The following NUSAP1 variants were observed in gnomAD, a reference collection of about 807,000 sequenced individuals.
NUSAP1 encodes nucleolar and spindle-associated protein 1.
A neutral mutation model predicts 52.8 loss-of-function variants in NUSAP1; 32 were observed. That is an observed-to-expected ratio of 0.61 (90% CI 0.46 to 0.81). The LOEUF is 0.81. Ranked by LOEUF, NUSAP1 falls within the 40% of genes least tolerant of loss-of-function variation. NUSAP1 has a pLI of 0.00. For synonymous variants in NUSAP1, 195 were observed against 183.1 expected, an observed-to-expected ratio of 1.06 and a Z score of -0.52; for missense variants, 499 against 522.3, an observed-to-expected ratio of 0.96 and a Z score of 0.43.
chr15:41,349,001 A>G (rs1424419965), intron 2 of NUSAP1, 97 bp from the exon 3 acceptor site: 40 of 1,235,786 alleles, frequency 3.2e-5, no homozygotes, highest in Non-Finnish European at 4.3e-5. Context: ...TTTCTTTTGC[A>G]TATGTAATAT....
At chr15:41,352,275 G>A (rs1165755430) in intron 4 of NUSAP1, among the ~76,000 whole-genome samples, 1 of 151,730 alleles carries the variant, frequency 6.6e-6, no homozygotes, top group Admixed American at 6.6e-5. Context: ...CTAAACCTCT[G>A]CTCTTAAAAA....
intron 1 of NUSAP1, among the ~76,000 whole-genome samples, chr15:41,333,569 G>A (rs1294089176): frequency 6.6e-6 from 1 of 152,192 alleles, no homozygotes; most frequent in Non-Finnish European, 1.5e-5. Flanking sequence ...ATTGATGACT[G>A]TTGGGTTGAT....
intron 9 of NUSAP1, among the ~76,000 whole-genome samples, chr15:41,376,243 T>A (rs1001679519): frequency 1.9e-4 from 27 of 144,938 alleles, no homozygotes; most frequent in Non-Finnish European, 3.1e-4. Flanking sequence ...TGAAAAAAAA[T>A]AAGAAAATTA....
At chr15:41,371,761 G>T in intron 8 of NUSAP1, 77 bp downstream of exon 8, 1 of 1,454,160 alleles carries the variant, frequency 6.9e-7, no homozygotes, top group Non-Finnish European at 9.2e-7. Flanking sequence ...AGGTATATCT[G>T]TTTTTTTTGT....
At chr15:41,370,749 C>CAAA (rs60034914) in intron 7 of NUSAP1, among the ~76,000 whole-genome samples, 2 of 70,752 alleles carry the variant, frequency 2.8e-5, no homozygotes, top group Non-Finnish European at 6.0e-5. Context: ...AACTCCATCT[C>CAAA]AAAAAAAAAA....
chr15:41,355,571 C>G (rs898888055), intron 4 of NUSAP1, among the ~76,000 whole-genome samples: 6 of 152,110 alleles, frequency 3.9e-5, no homozygotes, highest in African/African-American at 1.4e-4. Flanking sequence ...AATGCTGTAA[C>G]TAATTTTTTG....
intron 10 of NUSAP1, 113 bp downstream of exon 10, chr15:41,377,417 T>C (rs2049986995): frequency 1.7e-6 from 1 of 578,438 alleles, no homozygotes; most frequent in African/African-American, 2.0e-5. Context: ...AGTGGTATTA[T>C]GGCCGTGTGC....
At chr15:41,341,300 G>A (rs1344182797) in intron 1 of NUSAP1, among the ~76,000 whole-genome samples, 1 of 152,038 alleles carries the variant, frequency 6.6e-6, no homozygotes, top group African/African-American at 2.4e-5. Context: ...CCCTGACCTC[G>A]TGATCCACCT....
intron 1 of NUSAP1, among the ~76,000 whole-genome samples, chr15:41,340,702 GCCTGAATTCTGC>G (rs1164251964): frequency 6.6e-6 from 1 of 152,158 alleles, no homozygotes; most frequent in Non-Finnish European, 1.5e-5. Flanking sequence ...AATCAAGAAT[GCCTGAATTCTGC>G]CCTGCCAATC....
At position 41,380,087 on chromosome 15, in the gene NUSAP1, T is replaced by C; in HGVS notation, c.1233-6T>C. ...TAGAGCTTAATGTGTGACCTATCCC[T>C]CTCAGGGAAGAGCAACGGAAGAAAC... On this transcript the variant is annotated splice_region_variant and splice_polypyrimidine_tract_variant and intron_variant, in intron 10 of 10. Transcript: ENST00000559596. 6.4e-7 allele frequency: 1 copy of C among 1,570,032 alleles called. No homozygotes were observed. The highest frequency in any genetic ancestry group is 8.6e-7 in the Non-Finnish European group (1 of 1,157,314).
chr15:41,365,641 T>C (rs2049371430), intron 7 of NUSAP1, 52 bp downstream of exon 7: 4 of 1,407,936 alleles, frequency 2.8e-6, no homozygotes, highest in East Asian at 2.5e-5. Context: ...ACATGGACTA[T>C]ATAAAAAAAA....
chr15:41,376,564 G>A (rs927564854), intron 9 of NUSAP1, among the ~76,000 whole-genome samples: 4 of 151,394 alleles, frequency 2.6e-5, no homozygotes, highest in African/African-American at 4.8e-5. Flanking sequence ...GGTGGCGGGC[G>A]CCTGTAGTCT....
intron 4 of NUSAP1, chr15:41,352,086 G>A (rs574325623): frequency 4.6e-5 from 7 of 152,192 alleles, no homozygotes; most frequent in African/African-American, 1.7e-4. Context: ...TGGGATTACA[G>A]GCTCGTGCCA....
chr15:41,359,316 A>G (rs989954692), intron 6 of NUSAP1, among the ~76,000 whole-genome samples: 9 of 152,178 alleles, frequency 5.9e-5, no homozygotes, highest in Admixed American at 5.9e-4. Flanking sequence ...TTTATTTTAC[A>G]TAACTTCCCT....
chr15:41,343,800 T>G (rs1385079003), intron 2 of NUSAP1, among the ~76,000 whole-genome samples: 2 of 152,058 alleles, frequency 1.3e-5, no homozygotes, highest in African/African-American at 4.8e-5. Flanking sequence ...GTCAAATTTA[T>G]TTTTGATTCC....
At chr15:41,353,052 T>A (rs941010894) in intron 4 of NUSAP1, among the ~76,000 whole-genome samples, 1 of 152,212 alleles carries the variant, frequency 6.6e-6, no homozygotes, top group Non-Finnish European at 1.5e-5. Flanking sequence ...CAGTTAGTTA[T>A]GGTGGTGTCT....
chr15:41,348,844 A>G (rs11634992), intron 2 of NUSAP1, among the ~76,000 whole-genome samples: 3 of 150,966 alleles, frequency 2.0e-5, no homozygotes, highest in Non-Finnish European at 4.4e-5. Context: ...CACTATGTCA[A>G]CCAGGCTGGT....
At chr15:41,362,569 C>T (rs1317738641) in intron 6 of NUSAP1, among the ~76,000 whole-genome samples, 6 of 151,392 alleles carry the variant, frequency 4.0e-5, no homozygotes, top group African/African-American at 9.7e-5. Flanking sequence ...GGACTACGGG[C>T]GCCCGCCACC....
intron 8 of NUSAP1, among the ~76,000 whole-genome samples, chr15:41,373,477 T>C (rs1400512114): frequency 7.8e-6 from 1 of 128,592 alleles, no homozygotes; most frequent in Non-Finnish European, 1.6e-5. Context: ...TGAGACGGAG[T>C]CTCACTCTAT....
Sources: allele counts gnomAD v4.1 joint callset (sites outside exome capture counted in the v4.1 genomes callset), GRCh38; gene constraint gnomAD v4.1.1; transcripts MANE v1.5; gene names NCBI Gene and HGNC (gene_info 2026-07-23, HGNC 2026-07-21).